Variants in ARHGEF28 observed in about 807,000 individuals in gnomAD.
ARHGEF28 encodes the protein Rho guanine nucleotide exchange factor 28.
Under a neutral mutation model 206.6 loss-of-function variants are expected in ARHGEF28, and 152 were observed. The observed-to-expected ratio is 0.74, with a 90% CI of 0.64 to 0.84. ARHGEF28 has a LOEUF of 0.84. Ranked by LOEUF, ARHGEF28 falls within the 40% of genes least tolerant of loss-of-function variation. ARHGEF28 has a pLI of 0.00. For missense variants in ARHGEF28, 2,028 were observed against 2,073.2 expected (o/e 0.98, Z 0.42); for synonymous variants, 763 against 776.4 (o/e 0.98, Z 0.29).
At chr5:73,640,663 A>C (rs1197770362) in intron 1 of ARHGEF28, among the ~76,000 whole-genome samples, 2 of 152,212 alleles carry the variant, frequency 1.3e-5, no homozygotes, top group Non-Finnish European at 2.9e-5. Flanking sequence ...ATCTAGCTTA[A>C]TTTAGATGAG....
intron 35 of ARHGEF28, among the ~76,000 whole-genome samples, chr5:73,925,885 CA>C (rs1458677326): frequency 6.6e-6 from 1 of 152,156 alleles, no homozygotes; most frequent in African/African-American, 2.4e-5. Flanking sequence ...AATTTTTGGC[CA>C]GTCTGAATAA....
intron 22 of ARHGEF28, among the ~76,000 whole-genome samples, chr5:73,880,865 G>A (rs1760876619): frequency 6.6e-6 from 1 of 152,206 alleles, no homozygotes; most frequent in African/African-American, 2.4e-5. Flanking sequence ...CTGGGAGGTT[G>A]AGGTTGCAGT....
At chr5:73,873,661 A>G (rs994815854) in intron 22 of ARHGEF28, among the ~76,000 whole-genome samples, 1 of 152,168 alleles carries the variant, frequency 6.6e-6, no homozygotes. Flanking sequence ...AAGCTGTTTC[A>G]TCCTATCATT....
intron 2 of ARHGEF28, among the ~76,000 whole-genome samples, chr5:73,746,423 T>G (rs924261796): frequency 6.6e-6 from 1 of 152,056 alleles, no homozygotes; most frequent in African/African-American, 2.4e-5. Flanking sequence ...ATTAATGTAT[T>G]ATGCCATGAG....
At chr5:73,773,745 C>A in intron 4 of ARHGEF28, 110 bp from the exon 5 acceptor site, 1 of 1,110,758 alleles carries the variant, frequency 9.0e-7, no homozygotes, top group Non-Finnish European at 1.2e-6. Context: ...TTAATTTCTT[C>A]CAACTCTGAC....
intron 9 of ARHGEF28, among the ~76,000 whole-genome samples, chr5:73,808,028 T>C (rs934730378): frequency 3.3e-5 from 5 of 152,140 alleles, no homozygotes; most frequent in African/African-American, 1.2e-4. Context: ...GTAAAGACCA[T>C]ATCAGAACCT....
chr5:73,707,099 C>T (rs1279437130), intron 2 of ARHGEF28, among the ~76,000 whole-genome samples: 1 of 152,136 alleles, frequency 6.6e-6, no homozygotes, highest in Non-Finnish European at 1.5e-5. Flanking sequence ...GACCCCAGGT[C>T]CTCCCCTTGG....
chr5:73,774,328 G>T (rs1362432653), intron 5 of ARHGEF28, among the ~76,000 whole-genome samples: 1 of 152,124 alleles, frequency 6.6e-6, no homozygotes, highest in Non-Finnish European at 1.5e-5. Flanking sequence ...CCCCTTCTGT[G>T]TTATTCTCTT....
intron 14 of ARHGEF28, among the ~76,000 whole-genome samples, chr5:73,854,553 C>T (rs1375080718): frequency 1.3e-5 from 2 of 152,066 alleles, no homozygotes; most frequent in East Asian, 1.9e-4. Context: ...CCTTTAGGCC[C>T]GGTGCGGTGG....
intron 2 of ARHGEF28, among the ~76,000 whole-genome samples, chr5:73,734,463 G>A (rs982094320): frequency 2.6e-5 from 4 of 152,146 alleles, no homozygotes; most frequent in African/African-American, 9.7e-5. Context: ...CACACTTCTA[G>A]GCAAATGTGC....
chr5:73,887,502 A>C (rs1353770451), intron 25 of ARHGEF28, 101 bp from the exon 26 acceptor site: 1 of 911,694 alleles, frequency 1.1e-6, no homozygotes, highest in African/African-American at 1.7e-5. Context: ...TATTTTTATA[A>C]AACTTTCATA....
At chr5:73,858,606 C>T (rs566800178) in intron 16 of ARHGEF28, among the ~76,000 whole-genome samples, 1 of 152,282 alleles carries the variant, frequency 6.6e-6, no homozygotes, top group South Asian at 2.1e-4. Context: ...ACATCCAATC[C>T]ATCAACAATC....
chr5:73,738,794 G>A (rs1751182448), intron 2 of ARHGEF28, among the ~76,000 whole-genome samples: 1 of 152,132 alleles, frequency 6.6e-6, no homozygotes, highest in South Asian at 2.1e-4. Flanking sequence ...AGTTTGAGAT[G>A]TTCAATGCTG....
Position 73,866,031 on chromosome 5 carries a change from C to A in ARHGEF28, c.2152+18C>A. The A allele has an allele frequency of 6.3e-7, 1 of 1,578,538 alleles. No homozygotes were observed. Among genetic ancestry groups the A allele is most frequent in the Non-Finnish European group, 8.6e-7 (1 of 1,159,562 alleles). On this transcript the variant is annotated intron_variant, in intron 18 of 35. Transcript: ENST00000513042. ...CCTTGGAAGTAAGTGATGTAGAAAACGACAAGAACTTTTAAAAATTTAATA... is the reference window on the plus strand; with the variant it reads ...CCTTGGAAGTAAGTGATGTAGAAAAAGACAAGAACTTTTAAAAATTTAATA...
At chr5:73,677,418 T>C (rs1265123741) in intron 1 of ARHGEF28, among the ~76,000 whole-genome samples, 1 of 152,208 alleles carries the variant, frequency 6.6e-6, no homozygotes, top group Non-Finnish European at 1.5e-5. Flanking sequence ...CACAAACCAA[T>C]GTTTATCGAC....
chr5:73,856,955 TG>T (rs769313773), intron 14 of ARHGEF28, among the ~76,000 whole-genome samples: 29 of 152,312 alleles, frequency 1.9e-4, no homozygotes, highest in East Asian at 9.7e-4. Context: ...AGTCTGCATA[TG>T]TTTTTTTCTA....
intron 7 of ARHGEF28, among the ~76,000 whole-genome samples, chr5:73,792,610 G>A (rs1294259757): frequency 6.8e-6 from 1 of 146,656 alleles, no homozygotes; most frequent in Non-Finnish European, 1.5e-5. Flanking sequence ...AGATGTGTCT[G>A]TTGAAACTCT....
At chr5:73,737,452 C>G (rs1227476575) in intron 2 of ARHGEF28, among the ~76,000 whole-genome samples, 2 of 39,570 alleles carry the variant, frequency 5.1e-5, no homozygotes, top group African/African-American at 1.2e-4. Flanking sequence ...CTTTTCTTTT[C>G]TTTTCTTTTC....
intron 8 of ARHGEF28, 129 bp downstream of exon 8, chr5:73,794,583 G>T: frequency 2.7e-6 from 2 of 753,494 alleles, no homozygotes; most frequent in Non-Finnish European, 2.1e-6. Flanking sequence ...TCAGAATAAT[G>T]TGAAATTCTG....
Sources: gnomAD v4.1 joint callset for allele counts (sites outside exome capture counted in the v4.1 genomes callset) on GRCh38, gnomAD v4.1.1 for gene constraint, MANE v1.5 for transcripts, NCBI Gene and HGNC (gene_info 2026-07-23, HGNC 2026-07-21) for gene names.